The following CSTL1 variants were observed in gnomAD, a reference collection of about 807,000 sequenced individuals.
CSTL1 encodes the protein cystatin-like 1.
A neutral mutation model predicts 14.4 loss-of-function variants in CSTL1; 14 were observed. The observed-to-expected ratio is 0.97, with a 90% confidence interval of 0.64 to 1.52. CSTL1 has a LOEUF of 1.52. CSTL1 is among the 40% of genes most tolerant of loss of function. The pLI is 0.00. For synonymous variants in CSTL1, 72 were observed against 67.5 expected (o/e 1.07, Z -0.33); for missense variants, 170 against 168.7 (o/e 1.01, Z -0.04).
At chr20:23,448,049 A>C (rs1987003093), downstream of CSTL1, among the ~76,000 whole-genome samples, 1 of 151,288 alleles carries the variant, frequency 6.6e-6, no homozygotes, top group African/African-American at 2.4e-5. Context: ...TTATTATTTT[A>C]TTTCAATGGG....
intron 2 of CSTL1, among the ~76,000 whole-genome samples, chr20:23,442,857 A>G (rs1600272447): frequency 6.6e-6 from 1 of 152,156 alleles, no homozygotes; most frequent in East Asian, 1.9e-4. Context: ...ACCGGTGAAG[A>G]TCCACTAATC....
At chr20:23,451,410 T>A in the CSTL1 span, among the ~76,000 whole-genome samples, 2 of 152,176 alleles carry the variant, frequency 1.3e-5, no homozygotes, top group Non-Finnish European at 2.9e-5. Flanking sequence ...TGGATGAACA[T>A]GGCTGGATGA....
chr20:23,460,553 A>G, the CSTL1 span, among the ~76,000 whole-genome samples: 1 of 152,184 alleles, frequency 6.6e-6, no homozygotes, highest in Non-Finnish European at 1.5e-5. Context: ...ACAAGTCTCA[A>G]TCATTTTTGG....
At chr20:23,456,828 A>T in the CSTL1 span, among the ~76,000 whole-genome samples, 14 of 152,230 alleles carry the variant, frequency 9.2e-5, no homozygotes, top group East Asian at 2.5e-3. Flanking sequence ...CAAAGCCAGC[A>T]TGGAGTCTCT....
chr20:23,450,658 T>C, the CSTL1 span: 2 of 1,185,656 alleles, frequency 1.7e-6, no homozygotes, highest in African/African-American at 1.5e-5. Context: ...AGGAAGAGGA[T>C]GTAAGACACG....
At chr20:23,441,061 C>T (rs1986821197) in intron 2 of CSTL1, among the ~76,000 whole-genome samples, 1 of 152,192 alleles carries the variant, frequency 6.6e-6, no homozygotes, top group African/African-American at 2.4e-5. Flanking sequence ...GCCCGGCCAG[C>T]TCTTTTTCCT....
downstream of CSTL1, chr20:23,445,027 C>A (rs912488836): frequency 1.5e-6 from 1 of 656,080 alleles, no homozygotes; most frequent in Non-Finnish European, 2.8e-6. Flanking sequence ...CCTTCACAAC[C>A]CACACACACA....
chr20:23,459,826 A>C, the CSTL1 span, among the ~76,000 whole-genome samples: 7 of 152,222 alleles, frequency 4.6e-5, no homozygotes, highest in African/African-American at 7.2e-5. Context: ...GCATTTCCAC[A>C]GCTGCCTTCC....
the CSTL1 span, among the ~76,000 whole-genome samples, chr20:23,452,088 C>T: frequency 6.6e-6 from 1 of 152,212 alleles, no homozygotes; most frequent in South Asian, 2.1e-4. Context: ...TTTGTCATTC[C>T]AAGAGAATTA....
chr20:23,439,877 C>T lies in CSTL1; in HGVS notation c.-125+71C>T. 1.2e-5 allele frequency: 3 copies of T among 248,888 alleles called. No individual in the cohort carries two copies. The South Asian group carries it at 1.8e-4, about 15-fold the overall frequency. The allele number at this position is 248,888 out of a possible 1,614,324, so 15.4% of individuals were successfully genotyped here. On this transcript the variant is annotated intron_variant, in intron 1 of 3. Coordinates refer to ENST00000347397, the MANE Select transcript of CSTL1 (RefSeq NM_138283.1). The stretch of plus-strand genomic sequence containing the variant: ...TATCTCAGTTCAGATATTACCTTCT[C>T]CGTAAGGCCGCCTCCCTTCCTGTAA...
At chr20:23,457,596 A>T in the CSTL1 span, 1 of 152,028 alleles carries the variant, frequency 6.6e-6, no homozygotes. Flanking sequence ...AAGGCTAGTC[A>T]AGTGAAGCAG....
At chr20:23,461,074 A>G in the CSTL1 span, among the ~76,000 whole-genome samples, 2 of 152,148 alleles carry the variant, frequency 1.3e-5, no homozygotes, top group Non-Finnish European at 2.9e-5. Flanking sequence ...AGCCAACCCA[A>G]CCTTCAGCAA....
At chr20:23,452,329 T>A in the CSTL1 span, among the ~76,000 whole-genome samples, 1 of 152,162 alleles carries the variant, frequency 6.6e-6, no homozygotes, top group African/African-American at 2.4e-5. Context: ...CATGGCTAGG[T>A]CACAAGAACA....
the CSTL1 span, among the ~76,000 whole-genome samples, chr20:23,456,649 T>C: frequency 6.6e-6 from 1 of 152,226 alleles, no homozygotes; most frequent in Non-Finnish European, 1.5e-5. Flanking sequence ...AACTAGTTAC[T>C]AACAACAGTG....
downstream of CSTL1, among the ~76,000 whole-genome samples, chr20:23,448,974 G>C (rs1018272238): frequency 1.3e-5 from 2 of 152,200 alleles, no homozygotes; most frequent in African/African-American, 2.4e-5. Context: ...CCAGGCAGTT[G>C]GCGGAGGGAA....
chr20:23,451,476 G>T, the CSTL1 span, among the ~76,000 whole-genome samples: 3 of 152,160 alleles, frequency 2.0e-5, no homozygotes, highest in African/African-American at 4.8e-5. Flanking sequence ...TGACTCTGAG[G>T]TATTCAGTCA....
In CSTL1 at chr20:23,444,902, A is replaced by G. The variant is rs1233532136; in HGVS notation, c.*24A>G. On this transcript the variant is annotated 3_prime_UTR_variant, in exon 4 of 4. Coordinates refer to ENST00000347397, the MANE Select transcript of CSTL1 (RefSeq NM_138283.1). ...GAGGGCTCATATGATTGAGTTGTGC[A>G]CTGGCTGTTATTAAACTGTAAAGGA... The G allele has an allele frequency of 6.8e-7, 1 of 1,469,994 alleles. No individual in the cohort carries two copies. Among genetic ancestry groups the G allele is most frequent in the Admixed American group, 1.7e-5 (1 of 59,792 alleles). 91.1% of individuals were successfully genotyped at this position (1,469,994 alleles called of 1,614,324 possible).
At position 23,440,246 on chromosome 20, in the gene CSTL1, G is replaced by A. The variant is rs1447146267; in HGVS notation, c.-22G>A. 6.2e-6 allele frequency: 10 copies of A among 1,613,092 alleles called. No homozygotes were observed. Among genetic ancestry groups the A allele is most frequent in the Non-Finnish European group, 8.5e-6 (10 of 1,179,708 alleles). On this transcript the variant is annotated 5_prime_UTR_variant, in exon 2 of 4. Coordinates refer to ENST00000347397, the MANE Select transcript of CSTL1 (RefSeq NM_138283.1). ...ACACCCTGGAAGGTGCAGTTGGGAAGAAAGTTTCTGAGGCTGTAGACATGG... is the reference window on the plus strand; with the variant it reads ...ACACCCTGGAAGGTGCAGTTGGGAAAAAAGTTTCTGAGGCTGTAGACATGG...
chr20:23,442,625 G>T (rs1057344212), intron 2 of CSTL1, among the ~76,000 whole-genome samples: 26 of 152,234 alleles, frequency 1.7e-4, no homozygotes, highest in Non-Finnish European at 3.5e-4. Context: ...AAATGCCCAT[G>T]CATGGATGGC....
Sources: allele counts gnomAD v4.1 joint callset (sites outside exome capture counted in the v4.1 genomes callset), GRCh38; gene constraint gnomAD v4.1.1; transcripts MANE v1.5; gene names NCBI Gene and HGNC (gene_info 2026-07-23, HGNC 2026-07-21).